Variants in SCTR observed in about 807,000 individuals in gnomAD.
SCTR encodes pancreatic secretin receptor.
Under a neutral mutation model 60.8 loss-of-function variants are expected in SCTR, and 56 were observed. That is an observed-to-expected ratio of 0.92 (90% CI 0.74 to 1.15). The LOEUF is 1.15. Among genes scored for constraint, SCTR ranks in the 50% most tolerant of loss-of-function variants. The probability of loss-of-function intolerance (pLI) is 0.00; values close to 1 mark genes in which losing one functional copy is unlikely to be tolerated. For synonymous variants in SCTR, 202 were observed against 217.0 expected (o/e 0.93, Z 0.61); for missense variants, 562 against 550.4 (o/e 1.02, Z -0.21).
intron 1 of SCTR, among the ~76,000 whole-genome samples, chr2:119,495,080 C>T (rs1202576534): frequency 6.6e-6 from 1 of 151,928 alleles, no homozygotes; most frequent in Non-Finnish European, 1.5e-5. Context: ...GACTACAGGC[C>T]AGGCATGTGC....
At chr2:119,450,613 C>T (rs1683125948) in intron 9 of SCTR, among the ~76,000 whole-genome samples, 1 of 151,690 alleles carries the variant, frequency 6.6e-6, no homozygotes, top group Non-Finnish European at 1.5e-5. Flanking sequence ...GGAAGGAAAA[C>T]ACATGGTCAT....
chr2:119,500,460 T>C lies in SCTR; in HGVS notation c.73-5912A>G, dbSNP rs184355676. On this transcript the variant is annotated intron_variant, in intron 1 of 12. Coordinates refer to ENST00000019103, the MANE Select transcript of SCTR (RefSeq NM_002980.3). ...AGCACTATTCACAATAGCCAAGATA[T>C]GGAATCAACCTAAGTACCCATCAGC... Among the ~76,000 whole-genome samples the C allele has an allele frequency of 3.8e-3, 575 of 152,276 alleles. 7 individuals are homozygous for C. Among genetic ancestry groups the C allele is most frequent in the Non-Finnish European group, 4.3e-3 (294 of 68,022 alleles).
intron 1 of SCTR, among the ~76,000 whole-genome samples, chr2:119,497,105 G>A (rs1445066025): frequency 6.6e-6 from 1 of 152,152 alleles, no homozygotes; most frequent in Non-Finnish European, 1.5e-5. Context: ...TTCACCAGAA[G>A]GTGTCAGAGA....
At chr2:119,463,201 T>C (rs2104803194) in intron 6 of SCTR, among the ~76,000 whole-genome samples, 1 of 152,288 alleles carries the variant, frequency 6.6e-6, no homozygotes, top group Admixed American at 6.5e-5. Context: ...GAGATTGTGA[T>C]AGTAAAAAAC....
intron 7 of SCTR, among the ~76,000 whole-genome samples, chr2:119,460,718 G>A (rs368535437): frequency 5.3e-5 from 8 of 152,152 alleles, no homozygotes; most frequent in South Asian, 4.1e-4. Context: ...TTCATTGACC[G>A]AAAAGGAAAA....
chr2:119,498,790 A>G (rs2104912139), intron 1 of SCTR, among the ~76,000 whole-genome samples: 1 of 152,172 alleles, frequency 6.6e-6, no homozygotes, highest in South Asian at 2.1e-4. Context: ...ACTAACCCAC[A>G]AGAAGGCAGA....
At chr2:119,496,390 C>A (rs1054027242) in intron 1 of SCTR, among the ~76,000 whole-genome samples, 1 of 152,196 alleles carries the variant, frequency 6.6e-6, no homozygotes, top group Admixed American at 6.5e-5. Flanking sequence ...ATCCATCCCA[C>A]ATGTGGGGAA....
chr2:119,511,110 G>A (rs1298068335), intron 1 of SCTR, among the ~76,000 whole-genome samples: 1 of 152,076 alleles, frequency 6.6e-6, no homozygotes. Flanking sequence ...GGCTGAGGCA[G>A]GAGAATGGTG....
intron 3 of SCTR, among the ~76,000 whole-genome samples, chr2:119,475,228 G>A (rs13414067): frequency 0.013 from 2,055 of 152,296 alleles, 47 homozygotes; most frequent in African/African-American, 0.047. Context: ...GGGAAACAAC[G>A]GTGGTCAAAT....
Position 119,494,520 on chromosome 2 carries a change from A to G in SCTR, c.101T>C (p.Val34Ala). The G allele has an allele frequency of 1.9e-6, 3 of 1,614,058 alleles. No homozygotes were observed. Among genetic ancestry groups the G allele is most frequent in the Non-Finnish European group, 2.5e-6 (3 of 1,179,936 alleles). The change falls in exon 2 of 13, where the codon GTG (valine) becomes GCG (alanine). Residue 34 changes from valine (V) to alanine (A), a missense_variant. Coordinates refer to ENST00000019103, the MANE Select transcript of SCTR (RefSeq NM_002980.3). ...TTGCTCTTCCCACAGCACTTGTAGCACGTCACATAGTCGGGGAAGGGCTCC... is the reference window on the plus strand; with the variant it reads ...TTGCTCTTCCCACAGCACTTGTAGCGCGTCACATAGTCGGGGAAGGGCTCC... Reference protein sequence around the residue: ...STGALPRLCDVLQVLWEEQDQ... With the variant: ...STGALPRLCDALQVLWEEQDQ...
At chr2:119,515,606 A>G (rs970339368) in intron 1 of SCTR, among the ~76,000 whole-genome samples, 1 of 152,166 alleles carries the variant, frequency 6.6e-6, no homozygotes, top group African/African-American at 2.4e-5. Context: ...TGGAACTGGG[A>G]CACCCTTCTC....
chr2:119,511,027 C>G (rs528061547), intron 1 of SCTR, among the ~76,000 whole-genome samples: 2 of 151,698 alleles, frequency 1.3e-5, no homozygotes, highest in Non-Finnish European at 2.9e-5. Context: ...GAAACCCCGT[C>G]TCTACTAAAA....
intron 4 of SCTR, among the ~76,000 whole-genome samples, chr2:119,469,587 C>A (rs532826636): frequency 3.5e-4 from 54 of 152,290 alleles, no homozygotes; most frequent in Admixed American, 1.3e-3. Flanking sequence ...ACCTCCCAGG[C>A]TCAAGCAATC....
intron 1 of SCTR, among the ~76,000 whole-genome samples, chr2:119,514,104 G>A (rs1679039281): frequency 6.6e-6 from 1 of 152,178 alleles, no homozygotes; most frequent in African/African-American, 2.4e-5. Flanking sequence ...CCTCTTGCTT[G>A]ACAATTCTAT....
At chr2:119,460,150 C>T (rs1243308222) in intron 7 of SCTR, among the ~76,000 whole-genome samples, 1 of 151,900 alleles carries the variant, frequency 6.6e-6, no homozygotes, top group Non-Finnish European at 1.5e-5. Flanking sequence ...GGCAGCTCCC[C>T]TGATCGGGAG....
intron 1 of SCTR, among the ~76,000 whole-genome samples, chr2:119,502,259 A>C (rs1450303744): frequency 6.6e-6 from 1 of 152,190 alleles, no homozygotes; most frequent in African/African-American, 2.4e-5. Context: ...CTCAAAAAAA[A>C]GAAAATACAG....
intron 7 of SCTR, among the ~76,000 whole-genome samples, chr2:119,460,958 A>T (rs1004360648): frequency 2.6e-5 from 4 of 152,070 alleles, no homozygotes; most frequent in African/African-American, 9.7e-5. Context: ...TGCTGGATGG[A>T]GTCTCTTTCT....
In SCTR at chr2:119,494,421, C is replaced by A; in HGVS notation, c.193+7G>T. The A allele has an allele frequency of 6.2e-7, 1 of 1,613,384 alleles. No homozygotes were observed. The highest frequency in any genetic ancestry group is 1.1e-5 in the South Asian group (1 of 91,002). On this transcript the variant is annotated splice_region_variant and intron_variant, in intron 2 of 12. Transcript: ENST00000019103. ...AGAGAGGACATGGGCTGTGGCAAGC[C>A]TCATACCTGGCACTGGCTGCTCCGT...
chr2:119,509,030 T>A (rs1186926761), intron 1 of SCTR, among the ~76,000 whole-genome samples: 3 of 152,264 alleles, frequency 2.0e-5, no homozygotes, highest in Non-Finnish European at 4.4e-5. Flanking sequence ...ATGGGGTTTA[T>A]ACATACATAT....
Sources: allele counts gnomAD v4.1 joint callset (sites outside exome capture counted in the v4.1 genomes callset), GRCh38; gene constraint gnomAD v4.1.1; transcripts MANE v1.5; gene names NCBI Gene and HGNC (gene_info 2026-07-23, HGNC 2026-07-21).